ATP11C: variants seen among roughly 807,000 people sequenced by gnomAD.
The protein encoded by ATP11C is phospholipid-transporting ATPase IG.
A neutral mutation model predicts 97.4 loss-of-function variants in ATP11C; 36 were observed. The observed-to-expected ratio is 0.37, with a 90% CI of 0.28 to 0.49. ATP11C has a LOEUF of 0.49. ATP11C is among the 20% of genes least tolerant of loss of function. ATP11C has a pLI of 0.98. For missense variants in ATP11C, 730 were observed against 824.6 expected (o/e 0.89, Z 1.40); for synonymous variants, 275 against 290.9 (o/e 0.95, Z 0.56).
Position 139,799,171 on chromosome X carries a change from C to T in ATP11C, c.711-428G>A, listed in dbSNP as rs769159841. Among the ~76,000 whole-genome samples, 3 of 111,005 alleles carry T rather than the reference C, an allele frequency of 2.7e-5. 1 individual carries two copies. In the South Asian group the frequency reaches 1.2e-3, roughly 43 times the overall value. ...CCTCCTTTTGGGGGATCACTGGGGA[C>T]CCTGTATTTCTTTAACTTTTTGAGT... On this transcript the variant is annotated intron_variant, in intron 8 of 29. Coordinates refer to ENST00000682941, the MANE Select transcript of ATP11C (RefSeq NM_001353812.2).
At chrX:139,871,064 A>G (rs200606569) in intron 1 of ATP11C, among the ~76,000 whole-genome samples, 35 of 2,205 alleles carry the variant, frequency 0.016, 2 homozygotes, top group East Asian at 0.14. Flanking sequence ...CTCCGTCTCA[A>G]AAAAAAAAAA....
At chrX:139,832,592 T>C (rs956851636) in intron 1 of ATP11C, among the ~76,000 whole-genome samples, 6 of 112,508 alleles carry the variant, frequency 5.3e-5, no homozygotes, top group African/African-American at 1.6e-4. Context: ...CTACAATAAA[T>C]GGACCACAAT....
At chrX:139,816,567 C>T (rs62609091) in intron 4 of ATP11C, among the ~76,000 whole-genome samples, 13,754 of 111,495 alleles carry the variant, frequency 0.12, 846 homozygotes, top group Middle Eastern at 0.24. Flanking sequence ...AGACATACCA[C>T]GCTGAAACAA....
chrX:139,738,737 C>T (rs185994500), intron 27 of ATP11C, among the ~76,000 whole-genome samples: 1 of 110,988 alleles, frequency 9.0e-6, no homozygotes, highest in Admixed American at 9.6e-5. Flanking sequence ...TGTAAAGTGG[C>T]CATTGAGAAG....
chrX:139,806,025 CAAG>C (rs1450033224), intron 5 of ATP11C, among the ~76,000 whole-genome samples: 1 of 112,086 alleles, frequency 8.9e-6, no homozygotes, highest in Non-Finnish European at 1.9e-5. Context: ...ACACATCTTA[CAAG>C]AAGGAGATAC....
At chrX:139,732,713 G>T (rs974509338) in intron 28 of ATP11C, among the ~76,000 whole-genome samples, 4 of 111,514 alleles carry the variant, frequency 3.6e-5, no homozygotes, top group Non-Finnish European at 7.6e-5. Flanking sequence ...CAGAGTCAGA[G>T]ATAGGAATAG....
chrX:139,739,715 G>T (rs752969596), intron 27 of ATP11C, among the ~76,000 whole-genome samples: 1 of 111,509 alleles, frequency 9.0e-6, no homozygotes, highest in African/African-American at 3.3e-5. Context: ...AAATGAGTTC[G>T]CTGGAAACAT....
intron 1 of ATP11C, among the ~76,000 whole-genome samples, chrX:139,904,266 G>A (rs2084940533): frequency 9.0e-6 from 1 of 111,468 alleles, no homozygotes; most frequent in Non-Finnish European, 1.9e-5. Context: ...GGTGGCTCAC[G>A]CCTGTAATCC....
chrX:139,892,538 T>A (rs901643363), intron 1 of ATP11C, among the ~76,000 whole-genome samples: 4 of 111,448 alleles, frequency 3.6e-5, no homozygotes, highest in African/African-American at 1.3e-4. Context: ...CCCAGAAGCT[T>A]AGCTAAAAAG....
intron 28 of ATP11C, among the ~76,000 whole-genome samples, chrX:139,735,397 GA>G (rs766137200): frequency 1.6e-3 from 180 of 111,799 alleles, no homozygotes; most frequent in Non-Finnish European, 3.0e-3. Flanking sequence ...CTTATTGGTT[GA>G]AGTCAGGGAT....
At chrX:139,816,805 A>G in intron 4 of ATP11C, 58 bp downstream of exon 4, 1 of 807,319 alleles carries the variant, frequency 1.2e-6, no homozygotes, top group Admixed American at 2.5e-5. Flanking sequence ...GCCTTTGACA[A>G]TGAAATTCCA....
intron 5 of ATP11C, among the ~76,000 whole-genome samples, chrX:139,809,354 T>C (rs768216306): frequency 8.9e-5 from 10 of 112,323 alleles, no homozygotes; most frequent in Non-Finnish European, 1.5e-4. Flanking sequence ...AAGGAATTTC[T>C]GATACATGCT....
chrX:139,876,945 G>A (rs1017787432), intron 1 of ATP11C, among the ~76,000 whole-genome samples: 27 of 112,679 alleles, frequency 2.4e-4, no homozygotes, highest in African/African-American at 8.1e-4. Context: ...CCATATGCAG[G>A]ACTGGGCAGT....
intron 1 of ATP11C, among the ~76,000 whole-genome samples, chrX:139,852,553 G>A (rs1295351835): frequency 1.0e-5 from 1 of 99,855 alleles, no homozygotes; most frequent in Non-Finnish European, 2.0e-5. Context: ...ACCAAGGAAG[G>A]ATAAGCCGCG....
chrX:139,890,299 G>C (rs186779113), intron 1 of ATP11C, among the ~76,000 whole-genome samples: 1 of 111,089 alleles, frequency 9.0e-6, no homozygotes, highest in African/African-American at 3.3e-5. Context: ...GGGAGGCCGA[G>C]GCAGGAGGAT....
chrX:139,890,020 G>A (rs2084703604), intron 1 of ATP11C, among the ~76,000 whole-genome samples: 1 of 111,955 alleles, frequency 8.9e-6, no homozygotes, highest in Non-Finnish European at 1.9e-5. Flanking sequence ...AAGAGAAGGG[G>A]TGAAGTATTT....
At chrX:139,868,254 C>G (rs1012100013) in intron 1 of ATP11C, among the ~76,000 whole-genome samples, 2 of 110,660 alleles carry the variant, frequency 1.8e-5, no homozygotes, top group Non-Finnish European at 3.8e-5. Flanking sequence ...TGCATATGAC[C>G]CCAAAAGTAC....
Position 139,766,586 on chromosome X carries a change from CTG to C in ATP11C, c.2391+1672_2391+1673del, listed in dbSNP as rs750104413. 2.0e-4 allele frequency among the ~76,000 whole-genome samples: 22 copies of C among 109,284 alleles called. No individual in the cohort carries two copies. In the East Asian group the frequency reaches 3.5e-3, roughly 17 times the overall value. The allele number at this position is 109,284 out of a possible 115,157, so 94.9% of individuals were successfully genotyped here. On this transcript the variant is annotated intron_variant, in intron 20 of 29. Coordinates refer to ENST00000682941, the MANE Select transcript of ATP11C (RefSeq NM_001353812.2). Reference sequence around the variant, plus strand: ...AGAAATGCCTCAAATATGATGGGCGCTGTGTGTGTGTGTGTGCATATGTGTGC... The same window carrying C: ...AGAAATGCCTCAAATATGATGGGCGCTGTGTGTGTGTGTGCATATGTGTGC...
At chrX:139,853,339 GAC>G (rs1251684290) in intron 1 of ATP11C, among the ~76,000 whole-genome samples, 1 of 107,084 alleles carries the variant, frequency 9.3e-6, no homozygotes. Context: ...AGAGGGGAAA[GAC>G]AGAGAGAGGG....
Sources: allele counts gnomAD v4.1 joint callset (sites outside exome capture counted in the v4.1 genomes callset), GRCh38; gene constraint gnomAD v4.1.1; transcripts MANE v1.5; gene names NCBI Gene and HGNC (gene_info 2026-07-23, HGNC 2026-07-21).